The following PTPRG variants were observed in gnomAD, a reference collection of about 807,000 sequenced individuals.
PTPRG encodes the protein protein tyrosine phosphatase receptor type G.
A neutral mutation model predicts 165.3 loss-of-function variants in PTPRG; 102 were observed. The observed-to-expected ratio is 0.62, with a 90% CI of 0.53 to 0.73. The LOEUF is 0.73. Ranked by LOEUF, PTPRG falls within the 30% of genes least tolerant of loss-of-function variation. The pLI, the probability that PTPRG is intolerant of heterozygous loss-of-function variation, is 0.00. For missense variants in PTPRG, 1,866 were observed against 1,861.4 expected (o/e 1.00, Z -0.05); for synonymous variants, 675 against 669.5 (o/e 1.01, Z -0.13).
intron 2 of PTPRG, among the ~76,000 whole-genome samples, chr3:61,756,884 A>G (rs887866363): frequency 6.6e-6 from 1 of 152,210 alleles, no homozygotes; most frequent in African/African-American, 2.4e-5. Flanking sequence ...CTCTGAAGGT[A>G]GTGGGGTGAT....
intron 2 of PTPRG, among the ~76,000 whole-genome samples, chr3:61,857,036 CT>C (rs891877762): frequency 5.9e-5 from 9 of 151,874 alleles, no homozygotes; most frequent in Non-Finnish European, 1.2e-4. Context: ...TGGGCTATTT[CT>C]TTTTCTGATC....
intron 2 of PTPRG, among the ~76,000 whole-genome samples, chr3:61,860,376 A>C (rs187484684): frequency 6.7e-6 from 1 of 148,466 alleles, no homozygotes; most frequent in Non-Finnish European, 1.5e-5. Context: ...AAAAAAATAC[A>C]TGACTTTTCT....
At chr3:62,283,808 A>G (rs777987743) in intron 28 of PTPRG, among the ~76,000 whole-genome samples, 6 of 152,114 alleles carry the variant, frequency 3.9e-5, no homozygotes, top group African/African-American at 1.4e-4. Flanking sequence ...GTACTCTCCT[A>G]CTTGAAGTAA....
chr3:62,225,173 T>G (rs1252174101), intron 13 of PTPRG, among the ~76,000 whole-genome samples: 1 of 152,224 alleles, frequency 6.6e-6, no homozygotes, highest in East Asian at 1.9e-4. Flanking sequence ...ACATACCTTT[T>G]GAATTCCAAC....
chr3:62,132,202 A>G (rs1357591482), intron 5 of PTPRG, among the ~76,000 whole-genome samples: 1 of 152,228 alleles, frequency 6.6e-6, no homozygotes, highest in African/African-American at 2.4e-5. Flanking sequence ...TTCTAAAAAG[A>G]AGGGAAAAAC....
intron 2 of PTPRG, among the ~76,000 whole-genome samples, chr3:61,985,725 G>C (rs941583685): frequency 1.3e-5 from 2 of 152,080 alleles, no homozygotes; most frequent in Admixed American, 1.3e-4. Context: ...TTCTTTGATT[G>C]ACCTTCTTTG....
At chr3:61,900,452 T>C (rs932173686) in intron 2 of PTPRG, among the ~76,000 whole-genome samples, 5 of 152,180 alleles carry the variant, frequency 3.3e-5, no homozygotes, top group Non-Finnish European at 5.9e-5. Flanking sequence ...AGTCTGTAAA[T>C]GGACGCACAC....
chr3:61,562,252 T>G lies in PTPRG; in HGVS notation c.-36T>G, dbSNP rs200942304. ...CAAGAACTTATTCAACAAGTTTACC[T>G]CCCTGCTTTCCTCTTTTCGATGTGC... On this transcript the variant is annotated 5_prime_UTR_variant, in exon 1 of 30. Coordinates refer to ENST00000474889, the MANE Select transcript of PTPRG (RefSeq NM_002841.4). The G allele has an allele frequency of 3.8e-6, 6 of 1,592,058 alleles. No homozygotes were observed. The East Asian group carries it at 1.3e-4, about 36-fold the overall frequency.
chr3:61,936,387 C>T (rs1026439168), intron 2 of PTPRG, among the ~76,000 whole-genome samples: 1 of 152,182 alleles, frequency 6.6e-6, no homozygotes, highest in African/African-American at 2.4e-5. Context: ...AGAACTCATG[C>T]TCTTGAGTAA....
chr3:62,069,171 A>C (rs142347470), intron 4 of PTPRG, among the ~76,000 whole-genome samples: 1 of 152,354 alleles, frequency 6.6e-6, no homozygotes, highest in Non-Finnish European at 1.5e-5. Context: ...GAGAAAAATG[A>C]GAGCTGTTTC....
chr3:61,621,852 C>A (rs767451440), intron 1 of PTPRG, among the ~76,000 whole-genome samples: 1 of 152,130 alleles, frequency 6.6e-6, no homozygotes, highest in African/African-American at 2.4e-5. Flanking sequence ...AAGTGGAGAT[C>A]GTTGCTAATG....
intron 4 of PTPRG, among the ~76,000 whole-genome samples, chr3:62,033,791 G>A (rs116334893): frequency 1.4e-3 from 219 of 151,754 alleles, no homozygotes; most frequent in Middle Eastern, 0.014. Flanking sequence ...TTTTTGAGAC[G>A]GAGTCTCACT....
intron 2 of PTPRG, chr3:61,925,757 A>AG (rs397940266): frequency 2.2e-4 from 82 of 373,104 alleles, no homozygotes; most frequent in African/African-American, 1.6e-3. Context: ...AAAAAAAAAA[A>AG]TCATCATTGG....
intron 1 of PTPRG, among the ~76,000 whole-genome samples, chr3:61,595,968 C>T (rs968700409): frequency 2.6e-5 from 4 of 152,100 alleles, no homozygotes; most frequent in African/African-American, 9.7e-5. Flanking sequence ...TCCACCACCC[C>T]ATGTAATTTA....
chr3:61,916,991 T>C (rs1421677955), intron 2 of PTPRG, among the ~76,000 whole-genome samples: 1 of 152,198 alleles, frequency 6.6e-6, no homozygotes. Context: ...TTCCTTGCAT[T>C]CTGAGCTGTT....
chr3:62,195,143 G>A lies in PTPRG; in HGVS notation c.1300G>A (p.Asp434Asn), dbSNP rs751343662. 1.2e-6 allele frequency: 2 copies of A among 1,614,176 alleles called. No individual in the cohort carries two copies. Among genetic ancestry groups the A allele is most frequent in the Non-Finnish European group, 1.7e-6 (2 of 1,180,032 alleles). ...QAVCRNDMRS[D>N]FSQTMLFQAN... ...CGTGTGTCGGAACGACATGCGCAGC[G>A]ACTTTAGCCAGACGATGCTGTTTCA... Residue 434 changes from aspartate (D) to asparagine (N), a missense_variant, in exon 10 of 30, where the codon GAC becomes AAC. Physicochemically the swap from Asp to Asn is conservative, Grantham distance 23 (BLOSUM62 1). Around this residue, in one of 3 missense-constraint regions of PTPRG, gnomAD observed 1,452 missense variants for 1,463.0 expected, o/e 0.99. Coordinates refer to ENST00000474889, the MANE Select transcript of PTPRG (RefSeq NM_002841.4). The surrounding 1 kb of genome is among the most constrained non-coding windows in gnomAD (Gnocchi z 4.4).
intron 2 of PTPRG, among the ~76,000 whole-genome samples, chr3:61,788,735 G>A (rs2034786012): frequency 6.6e-6 from 1 of 152,226 alleles, no homozygotes; most frequent in Admixed American, 6.5e-5. Context: ...TTTGTGAGTT[G>A]TATAGTTTTC....
intron 1 of PTPRG, among the ~76,000 whole-genome samples, chr3:61,615,449 G>A (rs555255606): frequency 1.2e-4 from 19 of 152,324 alleles, no homozygotes; most frequent in African/African-American, 4.3e-4. Flanking sequence ...CAGCGGAGTG[G>A]TGCTCTGGGC....
intron 1 of PTPRG, among the ~76,000 whole-genome samples, chr3:61,732,299 C>G (rs1037797470): frequency 2.0e-5 from 3 of 151,932 alleles, no homozygotes; most frequent in African/African-American, 7.2e-5. Flanking sequence ...ATTAGCAGGC[C>G]GGGCGCAGTG....
Sources: gnomAD v4.1 joint callset for allele counts (sites outside exome capture counted in the v4.1 genomes callset) on GRCh38, gnomAD v4.1.1 for gene constraint, gnomAD v4.1.1 regional missense constraint, Gnocchi (gnomAD v3.1) non-coding constraint, MANE v1.5 for transcripts, NCBI Gene and HGNC (gene_info 2026-07-23, HGNC 2026-07-21) for gene names.